Variants in MBD5 observed in about 807,000 individuals in gnomAD.
The protein encoded by MBD5 is methyl-CpG binding domain protein 5, also known as methyl-CpG-binding domain protein 5.
In MBD5, 13 loss-of-function variants were observed where a neutral mutation model predicts 117.3. The observed-to-expected ratio is 0.11, with a 90% confidence interval of 0.07 to 0.18. MBD5 has a LOEUF of 0.18. MBD5 is among the 10% of genes least tolerant of loss of function. The pLI is 1.00. For synonymous variants in MBD5, 727 were observed against 766.4 expected, an observed-to-expected ratio of 0.95 and a Z score of 0.85; for missense variants, 1,879 against 2,093.8, an observed-to-expected ratio of 0.90 and a Z score of 2.00.
At chr2:148,092,979 G>C (rs1695980939) in intron 1 of MBD5, among the ~76,000 whole-genome samples, 1 of 151,494 alleles carries the variant, frequency 6.6e-6, no homozygotes, top group African/African-American at 2.4e-5. Context: ...GTGCAGTGGC[G>C]CGATCTTGGC....
At chr2:148,061,567 T>C (rs1695036807) in intron 1 of MBD5, among the ~76,000 whole-genome samples, 1 of 152,128 alleles carries the variant, frequency 6.6e-6, no homozygotes, top group Non-Finnish European at 1.5e-5. Context: ...TACATCATAA[T>C]TAGCCATTCC....
intron 1 of MBD5, among the ~76,000 whole-genome samples, chr2:148,066,485 CTT>C (rs1216245986): frequency 9.4e-5 from 13 of 138,062 alleles, no homozygotes; most frequent in African/African-American, 7.9e-5. Flanking sequence ...CCATTTTTTT[CTT>C]TTTTTTTTTT....
intron 1 of MBD5, among the ~76,000 whole-genome samples, chr2:148,074,750 C>A (rs1421203948): frequency 5.3e-5 from 8 of 152,066 alleles, no homozygotes; most frequent in Admixed American, 4.6e-4. Flanking sequence ...GATCCACCCA[C>A]CTCGGCCTCC....
intron 3 of MBD5, among the ~76,000 whole-genome samples, chr2:148,293,034 G>A (rs920303998): frequency 1.3e-5 from 2 of 151,880 alleles, no homozygotes; most frequent in Non-Finnish European, 2.9e-5. Flanking sequence ...CAATTGGCCA[G>A]GTGAAGTGTG....
At chr2:148,429,539 A>G (rs1342318787) in intron 4 of MBD5, among the ~76,000 whole-genome samples, 1 of 152,186 alleles carries the variant, frequency 6.6e-6, no homozygotes, top group Non-Finnish European at 1.5e-5. Flanking sequence ...ATAAAGACAC[A>G]TGCACACATA....
At chr2:148,121,819 G>A (rs892385848) in intron 1 of MBD5, among the ~76,000 whole-genome samples, 4 of 151,908 alleles carry the variant, frequency 2.6e-5, no homozygotes, top group Admixed American at 6.6e-5. Flanking sequence ...TCTTATCCAC[G>A]TTTTTAAAAA....
intron 4 of MBD5, among the ~76,000 whole-genome samples, chr2:148,349,683 A>T (rs1703207191): frequency 6.6e-6 from 1 of 151,956 alleles, no homozygotes; most frequent in African/African-American, 2.4e-5. Flanking sequence ...CCAGTTCATA[A>T]TTTTGCATGT....
intron 1 of MBD5, among the ~76,000 whole-genome samples, chr2:148,153,312 G>GT (rs1697747150): frequency 6.6e-6 from 1 of 152,112 alleles, no homozygotes; most frequent in Non-Finnish European, 1.5e-5. Context: ...GAGATCCACT[G>GT]TTAGTCTGAT....
chr2:148,115,497 G>A (rs901749222), intron 1 of MBD5, among the ~76,000 whole-genome samples: 22 of 152,206 alleles, frequency 1.4e-4, no homozygotes, highest in Non-Finnish European at 3.1e-4. Context: ...TTTAGTATGG[G>A]TACCTGGCAC....
At chr2:148,092,706 A>G (rs11900225) in intron 1 of MBD5, among the ~76,000 whole-genome samples, 1,924 of 152,202 alleles carry the variant, frequency 0.013, 47 homozygotes, top group African/African-American at 0.044. Flanking sequence ...CACATTGGGT[A>G]CAGTATATAC....
intron 13 of MBD5, 140 bp from the exon 14 acceptor site, chr2:148,512,730 T>C (rs1682255095): frequency 1.3e-6 from 1 of 767,272 alleles, no homozygotes; most frequent in Admixed American, 2.0e-5. Context: ...TTGGTAAACA[T>C]TTGAAGTGCC....
At chr2:148,204,001 A>G (rs1367148884) in intron 2 of MBD5, among the ~76,000 whole-genome samples, 1 of 152,166 alleles carries the variant, frequency 6.6e-6, no homozygotes, top group Non-Finnish European at 1.5e-5. Context: ...GTCAAACCTG[A>G]ACTCTAATTT....
chr2:148,393,062 A>G (rs1704610533), intron 4 of MBD5, among the ~76,000 whole-genome samples: 1 of 152,126 alleles, frequency 6.6e-6, no homozygotes, highest in African/African-American at 2.4e-5. Context: ...GGATTTAGTT[A>G]GTCCTGGAAA....
chr2:148,109,250 A>C (rs1454913382), intron 1 of MBD5, among the ~76,000 whole-genome samples: 1 of 152,138 alleles, frequency 6.6e-6, no homozygotes, highest in Non-Finnish European at 1.5e-5. Context: ...GCACCGCTGT[A>C]CCCTAGCCTG....
intron 4 of MBD5, among the ~76,000 whole-genome samples, chr2:148,394,471 CATA>C (rs1325103496): frequency 2.7e-5 from 4 of 149,610 alleles, no homozygotes; most frequent in African/African-American, 9.8e-5. Flanking sequence ...TATAATTGTT[CATA>C]ATAACCATTC....
At chr2:148,446,398 AAAACAAAC>A (rs532774841) in intron 4 of MBD5, among the ~76,000 whole-genome samples, 207 of 152,154 alleles carry the variant, frequency 1.4e-3, no homozygotes, top group Non-Finnish European at 2.1e-3. Context: ...GTGATATCCA[AAAACAAAC>A]AAACAAACAA....
At chr2:148,228,988 A>T (rs1315249931) in intron 2 of MBD5, among the ~76,000 whole-genome samples, 5 of 151,356 alleles carry the variant, frequency 3.3e-5, no homozygotes, top group Non-Finnish European at 7.4e-5. Flanking sequence ...CGTCTATTTG[A>T]TTCTTCTCTC....
intron 3 of MBD5, among the ~76,000 whole-genome samples, chr2:148,237,246 C>G (rs569351586): frequency 1.3e-5 from 2 of 152,294 alleles, no homozygotes; most frequent in Admixed American, 1.3e-4. Context: ...GCTTCAAGAG[C>G]TTTTCCTTTG....
Position 148,490,064 on chromosome 2 carries a change from C to A in MBD5, c.4432C>A (p.His1478Asn), listed in dbSNP as rs1681474108. The A allele has an allele frequency of 3.1e-6, 5 of 1,613,710 alleles. No homozygotes were observed. The African/African-American group carries it at 6.7e-5, about 22-fold the overall frequency. Residue 1478 changes from histidine to asparagine, a missense_variant, in exon 11 of 14, where the codon CAC becomes AAC. His to Asn is a moderately conservative substitution (Grantham distance 68). Transcript: ENST00000642680. ...STLPFLPGEQ[H>N]PILLPPRNCP... is the part of the protein sequence containing the mutation. The stretch of plus-strand genomic sequence containing the variant: ...ACTGCCATTTCTGCCTGGGGAACAG[C>A]ACCCAATACTGTTACCACCAAGAAA...
Sources: gnomAD v4.1 joint callset for allele counts (sites outside exome capture counted in the v4.1 genomes callset) on GRCh38, gnomAD v4.1.1 for gene constraint, MANE v1.5 for transcripts, NCBI Gene and HGNC (gene_info 2026-07-23, HGNC 2026-07-21) for gene names.